The following CFAP20DC variants were observed in gnomAD, a reference collection of about 807,000 sequenced individuals.
The protein encoded by CFAP20DC is protein CFAP20DC.
Under a neutral mutation model 101.7 loss-of-function variants are expected in CFAP20DC, and 84 were observed. The ratio of observed to expected loss-of-function variants is 0.83; its 90% CI spans 0.69 to 0.99. The LOEUF is 0.99. Among genes scored for constraint, CFAP20DC ranks in the 50% least tolerant of loss-of-function variants. The probability of loss-of-function intolerance (pLI) is 0.00; values close to 1 mark genes in which losing one functional copy is unlikely to be tolerated. For synonymous variants in CFAP20DC, 359 were observed against 351.2 expected, an observed-to-expected ratio of 1.02 and a Z score of -0.25; for missense variants, 1,007 against 970.3, an observed-to-expected ratio of 1.04 and a Z score of -0.50.
chr3:58,986,376 G>A (rs2092751970), intron 4 of CFAP20DC, among the ~76,000 whole-genome samples: 2 of 152,116 alleles, frequency 1.3e-5, no homozygotes, highest in African/African-American at 4.8e-5. Context: ...CCTCAGGATT[G>A]TAACATCTAT....
chr3:59,016,972 G>A (rs2093702268), intron 4 of CFAP20DC, among the ~76,000 whole-genome samples: 11 of 152,098 alleles, frequency 7.2e-5, no homozygotes, highest in Admixed American at 7.2e-4. Context: ...AAGGGAAGAA[G>A]AAAGGCATCA....
chr3:58,878,721 G>C (rs1236470547), intron 7 of CFAP20DC, among the ~76,000 whole-genome samples: 1 of 152,138 alleles, frequency 6.6e-6, no homozygotes, highest in African/African-American at 2.4e-5. Context: ...AATTAAGAAT[G>C]CACCTCTGTG....
intron 4 of CFAP20DC, chr3:58,953,885 T>C (rs981960191): frequency 3.2e-4 from 49 of 152,156 alleles, no homozygotes; most frequent in African/African-American, 1.2e-3. Context: ...GGATTCATTT[T>C]TAAAAAACAC....
At chr3:58,987,014 G>A (rs1423975452) in intron 4 of CFAP20DC, among the ~76,000 whole-genome samples, 1 of 151,996 alleles carries the variant, frequency 6.6e-6, no homozygotes, top group African/African-American at 2.4e-5. Flanking sequence ...ATTTGAAAAA[G>A]AGCCAAATAG....
rs1020662175 is a variant in CFAP20DC at position 58,832,434 on chromosome 3, A to T, written c.1972-545T>A. 2.6e-5 allele frequency among the ~76,000 whole-genome samples: 4 copies of T among 152,144 alleles called. No homozygotes were observed. In the East Asian group the frequency reaches 7.7e-4, roughly 29 times the overall value. ...TAGTAGGTGCCCAACCAGTTTTTGT[A>T]GATTAAGTAAATAAACAAAAACTCA... On this transcript the variant is annotated intron_variant, in intron 13 of 16. Transcript: ENST00000482387.
intron 15 of CFAP20DC, among the ~76,000 whole-genome samples, chr3:58,798,899 T>G (rs1029738445): frequency 6.6e-6 from 1 of 152,216 alleles, no homozygotes; most frequent in Non-Finnish European, 1.5e-5. Context: ...AATTAAGGCA[T>G]GTATATTGTT....
At chr3:58,806,884 C>T (rs904230371) in intron 14 of CFAP20DC, among the ~76,000 whole-genome samples, 11 of 152,148 alleles carry the variant, frequency 7.2e-5, no homozygotes, top group South Asian at 2.1e-4. Flanking sequence ...ACTTTTCCAA[C>T]GGGCTTAAAA....
intron 14 of CFAP20DC, chr3:58,824,376 A>T (rs1041090169): frequency 6.6e-6 from 1 of 152,188 alleles, no homozygotes; most frequent in Non-Finnish European, 1.5e-5. Flanking sequence ...CAGATCCCAG[A>T]AACTCAGGAC....
intron 4 of CFAP20DC, among the ~76,000 whole-genome samples, chr3:59,038,141 G>C (rs1292756717): frequency 1.3e-5 from 2 of 152,134 alleles, no homozygotes; most frequent in East Asian, 1.9e-4. Flanking sequence ...TGGGGGGCTA[G>C]GGGAGGGATA....
intron 5 of CFAP20DC, among the ~76,000 whole-genome samples, chr3:58,932,166 G>A (rs1385952947): frequency 6.6e-6 from 1 of 152,144 alleles, no homozygotes; most frequent in Non-Finnish European, 1.5e-5. Context: ...TGGAAGAAAG[G>A]GTATCAGTGA....
At chr3:58,994,192 A>G (rs75096316) in intron 4 of CFAP20DC, among the ~76,000 whole-genome samples, 1,566 of 152,332 alleles carry the variant, frequency 0.01, 29 homozygotes, top group African/African-American at 0.036. Context: ...GCACACAAAC[A>G]CATGTATACC....
intron 4 of CFAP20DC, among the ~76,000 whole-genome samples, chr3:58,998,184 A>C (rs2093198343): frequency 6.6e-6 from 1 of 152,240 alleles, no homozygotes; most frequent in African/African-American, 2.4e-5. Flanking sequence ...CTGCAGTAGC[A>C]GCAGTGAAAT....
rs1013756340 is a variant in CFAP20DC, at chr3:58,779,563, T to C, written c.2238-25700A>G. Reference sequence around the variant, plus strand: ...GGAATTAAAAATTCATTGAATGAAATAGAAAATACATTTCAAAGCTTCATC... The same window carrying C: ...GGAATTAAAAATTCATTGAATGAAACAGAAAATACATTTCAAAGCTTCATC... On this transcript the variant is annotated intron_variant, in intron 15 of 16. Coordinates refer to ENST00000482387, the MANE Select transcript of CFAP20DC (RefSeq NM_001394063.1). Among the ~76,000 whole-genome samples the C allele has an allele frequency of 2.6e-5, 4 of 152,072 alleles. No homozygotes were observed. The East Asian group carries it at 7.7e-4, about 29-fold the overall frequency.
chr3:58,832,933 A>C (rs2076494281), intron 13 of CFAP20DC, among the ~76,000 whole-genome samples: 1 of 152,248 alleles, frequency 6.6e-6, no homozygotes, highest in African/African-American at 2.4e-5. Context: ...AAGCAATTTG[A>C]AAATTTTCTT....
intron 5 of CFAP20DC, among the ~76,000 whole-genome samples, chr3:58,929,809 CCTGT>C (rs755095553): frequency 1.3e-5 from 2 of 152,244 alleles, no homozygotes; most frequent in Non-Finnish European, 2.9e-5. Context: ...AGCTCATGGC[CCTGT>C]CTCTTTCCTG....
chr3:58,948,140 C>A (rs1022943644), intron 4 of CFAP20DC, among the ~76,000 whole-genome samples: 1 of 152,174 alleles, frequency 6.6e-6, no homozygotes, highest in African/African-American at 2.4e-5. Context: ...AGAGGTGGGT[C>A]CAGAGGACAT....
intron 3 of CFAP20DC, among the ~76,000 whole-genome samples, chr3:59,043,459 A>T (rs1699588043): frequency 6.6e-6 from 1 of 152,106 alleles, no homozygotes. Context: ...GATCAAAGCC[A>T]CTGAGGGGTT....
chr3:59,012,986 G>C (rs138438559), intron 4 of CFAP20DC, among the ~76,000 whole-genome samples: 2 of 152,222 alleles, frequency 1.3e-5, no homozygotes, highest in East Asian at 3.9e-4. Context: ...TGTTTTAAAA[G>C]AACGCATAAT....
chr3:58,776,140 G>T (rs1182859718), intron 15 of CFAP20DC, among the ~76,000 whole-genome samples: 2 of 152,268 alleles, frequency 1.3e-5, no homozygotes, highest in African/African-American at 4.8e-5. Context: ...CAATATGGGG[G>T]TGAGCATGAG....
Sources: allele counts gnomAD v4.1 joint callset (sites outside exome capture counted in the v4.1 genomes callset), GRCh38; gene constraint gnomAD v4.1.1; transcripts MANE v1.5; gene names NCBI Gene and HGNC (gene_info 2026-07-23, HGNC 2026-07-21).